GNAO1: variants seen among roughly 807,000 people sequenced by gnomAD.
GNAO1 encodes G protein subunit alpha o1.
For synonymous variants in GNAO1, 164 were observed against 180.7 expected (o/e 0.91, Z 0.74); for missense variants, 166 against 478.7 (o/e 0.35, Z 6.10).
intron 3 of GNAO1, among the ~76,000 whole-genome samples, chr16:56,319,257 G>T (rs1372249228): frequency 2.6e-5 from 4 of 152,192 alleles, no homozygotes; most frequent in African/African-American, 9.7e-5. Flanking sequence ...GGTGTGAGTG[G>T]AGAATGAGGT....
At chr16:56,221,369 G>A (rs1218794684) in intron 2 of GNAO1, among the ~76,000 whole-genome samples, 1 of 152,024 alleles carries the variant, frequency 6.6e-6, no homozygotes, top group Admixed American at 6.5e-5. Flanking sequence ...AAGTCATGGG[G>A]CCAGGTGCAG....
chr16:56,257,177 G>T (rs369316126), intron 2 of GNAO1, among the ~76,000 whole-genome samples: 63 of 151,608 alleles, frequency 4.2e-4, no homozygotes, highest in African/African-American at 1.4e-3. Flanking sequence ...ACTGGGTTTG[G>T]GGGGGGGAAA....
At chr16:56,213,289 A>G (rs1478469092) in intron 2 of GNAO1, 2 of 397,556 alleles carry the variant, frequency 5.0e-6, no homozygotes, top group African/African-American at 4.1e-5. Flanking sequence ...TTGAGCTTCT[A>G]CTCTGTACCG....
chr16:56,208,119 A>G (rs59328794), intron 2 of GNAO1, among the ~76,000 whole-genome samples: 21,267 of 152,128 alleles, frequency 0.14, 1,987 homozygotes, highest in African/African-American at 0.26. Context: ...TGCTATTTGT[A>G]TCTTTTCTTC....
rs151274654 is a variant in GNAO1 at position 56,214,508 on chromosome 16, T to C, written c.161+21892T>C. Among the ~76,000 whole-genome samples the C allele has an allele frequency of 1.1e-4, 17 of 152,350 alleles. No homozygotes were observed. In the East Asian group the frequency reaches 3.3e-3, roughly 29 times the overall value. On this transcript the variant is annotated intron_variant, in intron 2 of 8. Transcript: ENST00000262493. Reference sequence around the variant, plus strand: ...TTTAGGACAAAAGGTTCCTAACACATCAAAACCATAGTTTTACAGATAATT... The same window carrying C: ...TTTAGGACAAAAGGTTCCTAACACACCAAAACCATAGTTTTACAGATAATT...
chr16:56,276,098 G>A, intron 3 of GNAO1, 26 bp downstream of exon 3: 2 of 1,599,412 alleles, frequency 1.3e-6, no homozygotes, highest in Non-Finnish European at 1.7e-6. Flanking sequence ...CATAAGCACA[G>A]CAACAAGAGG....
rs529756606 is a variant in GNAO1 at position 56,355,056 on chromosome 16, T to C, written c.*3T>C. 3.1e-6 allele frequency: 5 copies of C among 1,605,594 alleles called. No homozygotes were observed. Among genetic ancestry groups the C allele is most frequent in the Non-Finnish European group, 4.3e-6 (5 of 1,173,688 alleles). ...TCCGGGGCTGCGGCTTGTACTGACC[T>C]CTTGTCCTGTATAGCAACCTATTTG... On this transcript the variant is annotated 3_prime_UTR_variant, in exon 8 of 9. Coordinates refer to ENST00000262493, the MANE Select transcript of GNAO1 (RefSeq NM_020988.3).
chr16:56,197,475 C>A (rs527252708), intron 2 of GNAO1, among the ~76,000 whole-genome samples: 37 of 152,334 alleles, frequency 2.4e-4, no homozygotes, highest in Middle Eastern at 3.4e-3. Context: ...TACCAGCAGA[C>A]CTTCCTGCCA....
At chr16:56,288,818 C>T (rs1423403635) in intron 3 of GNAO1, among the ~76,000 whole-genome samples, 8 of 152,142 alleles carry the variant, frequency 5.3e-5, no homozygotes, top group African/African-American at 1.4e-4. Flanking sequence ...GAAAGACCAG[C>T]CCCTAGGCCC....
At chr16:56,319,174 A>G (rs2037545401) in intron 3 of GNAO1, among the ~76,000 whole-genome samples, 1 of 152,220 alleles carries the variant, frequency 6.6e-6, no homozygotes, top group African/African-American at 2.4e-5. Context: ...CTCAAGTGTT[A>G]AAAGTGCAGT....
chr16:56,346,903 C>T, intron 6 of GNAO1: 1 of 985,452 alleles, frequency 1.0e-6, no homozygotes, highest in South Asian at 4.7e-5. Context: ...GATGGTCTCA[C>T]CCATGCCCTT....
intron 3 of GNAO1, among the ~76,000 whole-genome samples, chr16:56,322,933 G>A (rs978745086): frequency 4.6e-5 from 7 of 152,068 alleles, no homozygotes; most frequent in Admixed American, 2.0e-4. Context: ...TACCAAGCAC[G>A]GTGTGAGGCC....
intron 6 of GNAO1, among the ~76,000 whole-genome samples, chr16:56,350,978 TAGGCACACATGCACACGAACACACAC>T (rs1453375874): frequency 6.6e-6 from 1 of 151,112 alleles, no homozygotes; most frequent in Non-Finnish European, 1.5e-5. Context: ...TGCACACACA[TAGGCACACATGCACACGAACACACAC>T]AGGCACACAT....
chr16:56,242,609 A>T (rs949481469), intron 2 of GNAO1, among the ~76,000 whole-genome samples: 1 of 152,224 alleles, frequency 6.6e-6, no homozygotes, highest in Non-Finnish European at 1.5e-5. Flanking sequence ...GGACAACTGG[A>T]TAGCCACAGG....
chr16:56,327,538 C>T (rs2037647825), intron 3 of GNAO1, among the ~76,000 whole-genome samples: 1 of 152,128 alleles, frequency 6.6e-6, no homozygotes, highest in Non-Finnish European at 1.5e-5. Context: ...CTAAGTACTA[C>T]TCCCGTGTGC....
chr16:56,192,165 G>T lies in GNAO1; in HGVS notation c.-71G>T, dbSNP rs1335285489. ...GAGCCCAGGCTCTGCTCTCTGGGGG[G>T]GTGGGGGGCGCTCCAAGCCGGGGAG... is the stretch of plus-strand genomic sequence containing the variant. On this transcript the variant is annotated 5_prime_UTR_variant, in exon 1 of 9. Coordinates refer to ENST00000262493, the MANE Select transcript of GNAO1 (RefSeq NM_020988.3). 1 of 832,444 alleles carries T rather than the reference G, an allele frequency of 1.2e-6. No homozygotes were observed. The allele number at this position is 832,444 out of a possible 1,614,324, so 51.6% of individuals were successfully genotyped here.
chr16:56,330,669 ACCTT>A (rs1433126565), intron 4 of GNAO1, among the ~76,000 whole-genome samples: 5 of 152,156 alleles, frequency 3.3e-5, no homozygotes, highest in African/African-American at 4.8e-5. Flanking sequence ...AGCTCAGCTC[ACCTT>A]CCTTCCTTCC....
chr16:56,296,079 C>T (rs2037285496), intron 3 of GNAO1, among the ~76,000 whole-genome samples: 1 of 152,190 alleles, frequency 6.6e-6, no homozygotes, highest in African/African-American at 2.4e-5. Context: ...AATTATAAAG[C>T]CAATTACTGA....
chr16:56,208,321 C>T (rs1267518950), intron 2 of GNAO1, among the ~76,000 whole-genome samples: 27 of 152,240 alleles, frequency 1.8e-4, no homozygotes, highest in Admixed American at 1.6e-3. Flanking sequence ...TTGTTACACA[C>T]CAGCTGTGAC....
Sources: allele counts gnomAD v4.1 joint callset (sites outside exome capture counted in the v4.1 genomes callset), GRCh38; gene constraint gnomAD v4.1.1; transcripts MANE v1.5; gene names NCBI Gene and HGNC (gene_info 2026-07-23, HGNC 2026-07-21).